NDFIP2: variants seen among roughly 807,000 people sequenced by gnomAD.
The protein encoded by NDFIP2 is NEDD4 family-interacting protein 2.
NDFIP2 carries 19 observed loss-of-function variants against 36.0 expected under a neutral mutation model. The ratio of observed to expected loss-of-function variants is 0.53; its 90% CI spans 0.37 to 0.77. NDFIP2 has a LOEUF of 0.77. Among genes scored for constraint, NDFIP2 ranks in the 30% least tolerant of loss-of-function variants. The pLI, the probability that NDFIP2 is intolerant of heterozygous loss-of-function variation, is 0.00. For synonymous variants in NDFIP2, 181 were observed against 167.7 expected, an observed-to-expected ratio of 1.08 and a Z score of -0.61; for missense variants, 446 against 435.8, an observed-to-expected ratio of 1.02 and a Z score of -0.21.
At chr13:79,526,936 C>T (rs189440243) in intron 2 of NDFIP2, among the ~76,000 whole-genome samples, 1 of 152,190 alleles carries the variant, frequency 6.6e-6, no homozygotes, top group East Asian at 1.9e-4. Context: ...TGCCTGTGTT[C>T]ACATAGCTTC....
chr13:79,481,633 GTGTTT>G (rs1313623903), intron 1 of NDFIP2, 109 bp downstream of exon 1: 11 of 1,353,496 alleles, frequency 8.1e-6, no homozygotes, highest in Non-Finnish European at 1.0e-5. Context: ...TTTTTTTGTT[GTGTTT>G]TGTTTTGTTT....
In NDFIP2 at chr13:79,481,173, A is replaced by G; in HGVS notation, c.-31A>G. 2 of 1,460,460 alleles carry G rather than the reference A, an allele frequency of 1.4e-6. No homozygotes were observed. Among genetic ancestry groups the G allele is most frequent in the Non-Finnish European group, 1.8e-6 (2 of 1,114,302 alleles). 90.5% of individuals were successfully genotyped at this position (1,460,460 alleles called of 1,614,324 possible). ...TTGCCTTACTTTTCCATCTCCTCCC[A>G]CCCAGCTATACCCTCCCACTGGCGG... On this transcript the variant is annotated 5_prime_UTR_variant, in exon 1 of 8. Transcript: ENST00000218652.
At chr13:79,537,115 G>A (rs2137106060) in intron 3 of NDFIP2, among the ~76,000 whole-genome samples, 1 of 151,428 alleles carries the variant, frequency 6.6e-6, no homozygotes, top group African/African-American at 2.4e-5. Flanking sequence ...GGTGGTGGTT[G>A]TTTTGTTTTT....
At chr13:79,542,959 C>T (rs1247656244) in intron 4 of NDFIP2, among the ~76,000 whole-genome samples, 1 of 151,956 alleles carries the variant, frequency 6.6e-6, no homozygotes, top group Non-Finnish European at 1.5e-5. Context: ...CCACTGCAAC[C>T]TCTACCTCCC....
intron 1 of NDFIP2, among the ~76,000 whole-genome samples, chr13:79,514,519 G>A (rs1874200314): frequency 6.6e-6 from 1 of 152,148 alleles, no homozygotes; most frequent in Non-Finnish European, 1.5e-5. Flanking sequence ...CAGGGTTAAA[G>A]TTAAGATTAT....
chr13:79,532,677 A>C (rs903093236), intron 2 of NDFIP2, among the ~76,000 whole-genome samples: 4 of 152,212 alleles, frequency 2.6e-5, no homozygotes, highest in African/African-American at 9.6e-5. Flanking sequence ...GTAAAACTTC[A>C]ATCTTTTAGC....
intron 2 of NDFIP2, among the ~76,000 whole-genome samples, chr13:79,527,445 G>T (rs999680434): frequency 6.6e-6 from 1 of 152,056 alleles, no homozygotes; most frequent in African/African-American, 2.4e-5. Flanking sequence ...ATAGTAATTG[G>T]GTTGTTTTCA....
At position 79,553,133 on chromosome 13, in the gene NDFIP2, T is replaced by C. The variant is rs968352751; in HGVS notation, c.*620T>C. 5.3e-5 allele frequency: 8 copies of C among 151,678 alleles called. No individual in the cohort carries two copies. The highest frequency in any genetic ancestry group is 1.2e-4 in the Non-Finnish European group (8 of 67,462). 9.4% of individuals were successfully genotyped at this position (151,678 alleles called of 1,614,324 possible). ...CTTTCTGCAATGTTTTCTTAGAAATTGTGTCCAGATAGCTTTCACTAATTT... is the reference window on the plus strand; with the variant it reads ...CTTTCTGCAATGTTTTCTTAGAAATCGTGTCCAGATAGCTTTCACTAATTT... On this transcript the variant is annotated 3_prime_UTR_variant, in exon 8 of 8. Coordinates refer to ENST00000218652, the MANE Select transcript of NDFIP2 (RefSeq NM_019080.3).
intron 1 of NDFIP2, among the ~76,000 whole-genome samples, chr13:79,499,979 A>G (rs530782754): frequency 2.2e-4 from 34 of 152,078 alleles, no homozygotes; most frequent in African/African-American, 7.9e-4. Flanking sequence ...AACTATAGAT[A>G]TATGGTAATC....
chr13:79,549,685 T>TA (rs1391234786), intron 6 of NDFIP2, among the ~76,000 whole-genome samples: 1 of 151,878 alleles, frequency 6.6e-6, no homozygotes, highest in Non-Finnish European at 1.5e-5. Context: ...GCCTGAGAAG[T>TA]AAAATGTGTG....
At chr13:79,543,504 G>A in intron 4 of NDFIP2, 54 bp from the exon 5 acceptor site, 2 of 1,597,326 alleles carry the variant, frequency 1.3e-6, no homozygotes, top group Non-Finnish European at 1.7e-6. Flanking sequence ...ATATGTCTAT[G>A]TTAATTTGTT....
Position 79,528,004 on chromosome 13 carries a change from C to G in NDFIP2, c.488-5319C>G, listed in dbSNP as rs1463613115. ...GCTAGCTATGCACGGTGGCACATGC[C>G]TATAATTCCAGTACTTTGGGTGGCT... On this transcript the variant is annotated intron_variant, in intron 2 of 7. Coordinates refer to ENST00000218652, the MANE Select transcript of NDFIP2 (RefSeq NM_019080.3). Among the ~76,000 whole-genome samples the G allele has an allele frequency of 3.9e-5, 6 of 152,238 alleles. No homozygotes were observed. In the East Asian group the frequency reaches 1.2e-3, roughly 29 times the overall value.
At chr13:79,492,215 T>G (rs1873249401) in intron 1 of NDFIP2, among the ~76,000 whole-genome samples, 1 of 152,108 alleles carries the variant, frequency 6.6e-6, no homozygotes, top group Non-Finnish European at 1.5e-5. Context: ...ACATATAGCC[T>G]TTTGGATATT....
intron 1 of NDFIP2, among the ~76,000 whole-genome samples, chr13:79,498,662 T>C (rs1006270920): frequency 6.6e-6 from 1 of 151,944 alleles, no homozygotes; most frequent in Non-Finnish European, 1.5e-5. Context: ...AGAAGGGAGC[T>C]GAACTCACCT....
At chr13:79,497,795 GGTGTGTGTGT>G (rs769463873) in intron 1 of NDFIP2, among the ~76,000 whole-genome samples, 2 of 128,912 alleles carry the variant, frequency 1.6e-5, no homozygotes, top group African/African-American at 3.0e-5. Context: ...ATCTGTGGGG[GGTGTGTGTGT>G]GTGTGTGTGT....
At chr13:79,551,485 G>T (rs528565981) in intron 7 of NDFIP2, among the ~76,000 whole-genome samples, 1 of 151,350 alleles carries the variant, frequency 6.6e-6, no homozygotes, top group Non-Finnish European at 1.5e-5. Flanking sequence ...TACTTAGACC[G>T]AAGGAATGAG....
At chr13:79,542,584 A>G (rs1273118222) in intron 4 of NDFIP2, among the ~76,000 whole-genome samples, 1 of 151,664 alleles carries the variant, frequency 6.6e-6, no homozygotes, top group Non-Finnish European at 1.5e-5. Flanking sequence ...TTCCCTAACA[A>G]TTGATGTTAA....
chr13:79,499,808 A>T (rs1371088498), intron 1 of NDFIP2, among the ~76,000 whole-genome samples: 1 of 151,942 alleles, frequency 6.6e-6, no homozygotes, highest in African/African-American at 2.4e-5. Flanking sequence ...TGACTTGGAG[A>T]TGCAGTGAAA....
At chr13:79,536,844 C>T (rs1055209561) in intron 3 of NDFIP2, among the ~76,000 whole-genome samples, 9 of 151,446 alleles carry the variant, frequency 5.9e-5, no homozygotes, top group Non-Finnish European at 1.3e-4. Context: ...GGCAACACAG[C>T]GAGACCTTAT....
Sources: allele counts gnomAD v4.1 joint callset (sites outside exome capture counted in the v4.1 genomes callset), GRCh38; gene constraint gnomAD v4.1.1; transcripts MANE v1.5; gene names NCBI Gene and HGNC (gene_info 2026-07-23, HGNC 2026-07-21).